Variants in E2F3 observed in about 807,000 individuals in gnomAD.
E2F3 encodes the protein transcription factor E2F3.
E2F3 carries 11 observed loss-of-function variants against 44.4 expected under a neutral mutation model. The observed-to-expected ratio is 0.25, with a 90% CI of 0.16 to 0.41. E2F3 has a LOEUF of 0.41. Ranked by LOEUF, E2F3 falls within the 10% of genes least tolerant of loss-of-function variation. The pLI, the probability that E2F3 is intolerant of heterozygous loss-of-function variation, is 1.00. For missense variants in E2F3, 487 were observed against 583.6 expected (o/e 0.83, Z 1.70); for synonymous variants, 249 against 253.0 (o/e 0.98, Z 0.15).
intron 1 of E2F3, among the ~76,000 whole-genome samples, chr6:20,468,502 A>G (rs1369082342): frequency 1.3e-5 from 2 of 151,602 alleles, no homozygotes; most frequent in Non-Finnish European, 2.9e-5. Flanking sequence ...CCCTCCAGGA[A>G]CCTCCTTGTG....
chr6:20,424,210 GGTGTGTGTGTGTGTGT>G (rs57286350), intron 1 of E2F3, among the ~76,000 whole-genome samples: 2 of 136,920 alleles, frequency 1.5e-5, no homozygotes, highest in Non-Finnish European at 3.1e-5. Context: ...TCAGTGGAAG[GGTGTGTGTGTGTGTGT>G]GTGTGTGTGT....
At chr6:20,487,771 C>T (rs4134970) in intron 5 of E2F3, among the ~76,000 whole-genome samples, 154 of 152,302 alleles carry the variant, frequency 1.0e-3, no homozygotes, top group African/African-American at 3.5e-3. Flanking sequence ...ATATTTTTGG[C>T]TTTGCGAGCC....
intron 1 of E2F3, among the ~76,000 whole-genome samples, chr6:20,410,308 G>A (rs1011099314): frequency 3.3e-5 from 5 of 152,166 alleles, no homozygotes; most frequent in Admixed American, 6.5e-5. Flanking sequence ...CATAGTGAGG[G>A]GCAGCTGAGT....
chr6:20,456,103 C>T (rs997691711), intron 1 of E2F3, among the ~76,000 whole-genome samples: 4 of 151,852 alleles, frequency 2.6e-5, no homozygotes, highest in African/African-American at 9.7e-5. Context: ...TGCCAGGTTC[C>T]GGTGGGTCTT....
At chr6:20,456,826 A>G (rs1213065521) in intron 1 of E2F3, among the ~76,000 whole-genome samples, 1 of 152,242 alleles carries the variant, frequency 6.6e-6, no homozygotes, top group East Asian at 1.9e-4. Flanking sequence ...CCAGATAATT[A>G]CTTTGCATTT....
intron 1 of E2F3, among the ~76,000 whole-genome samples, chr6:20,409,613 C>T (rs1458974670): frequency 6.6e-6 from 1 of 152,226 alleles, no homozygotes; most frequent in Non-Finnish European, 1.5e-5. Flanking sequence ...ACAAGGTGTT[C>T]TTCCTCTGTG....
chr6:20,487,615 G>C (rs970857237), intron 5 of E2F3, among the ~76,000 whole-genome samples: 15 of 152,114 alleles, frequency 9.9e-5, no homozygotes, highest in African/African-American at 3.1e-4. Context: ...TGCAGAAAAA[G>C]AATATATCCA....
chr6:20,451,738 A>G (rs1052204537), intron 1 of E2F3, among the ~76,000 whole-genome samples: 7 of 152,158 alleles, frequency 4.6e-5, no homozygotes, highest in African/African-American at 1.7e-4. Flanking sequence ...TGTTCATTCA[A>G]TATGTAGTTT....
intron 1 of E2F3, among the ~76,000 whole-genome samples, chr6:20,407,625 T>C (rs915679975): frequency 1.3e-5 from 2 of 152,254 alleles, no homozygotes; most frequent in Non-Finnish European, 2.9e-5. Flanking sequence ...CTTCTGTCTT[T>C]AATGCCATCT....
chr6:20,407,041 A>G (rs781650850), intron 1 of E2F3, among the ~76,000 whole-genome samples: 1 of 152,236 alleles, frequency 6.6e-6, no homozygotes, highest in Non-Finnish European at 1.5e-5. Flanking sequence ...ACTTTGGGAA[A>G]GAGCCCTCAG....
At chr6:20,470,343 A>C (rs796545994) in intron 1 of E2F3, among the ~76,000 whole-genome samples, 8 of 152,364 alleles carry the variant, frequency 5.3e-5, no homozygotes, top group African/African-American at 1.9e-4. Flanking sequence ...TTATAATCAT[A>C]TGCCCATGCA....
chr6:20,456,142 A>G (rs1259544856), intron 1 of E2F3, among the ~76,000 whole-genome samples: 4 of 152,120 alleles, frequency 2.6e-5, no homozygotes, highest in Non-Finnish European at 5.9e-5. Context: ...TAAATGAACA[A>G]AAGAAGGAAT....
Position 20,402,639 on chromosome 6 carries a change from T to C in E2F3, c.393+14T>C. ...GGCGGCCCTCCGGTAATACCCTCCC[T>C]CCCCACCGTCCCCAGCCCCGGCGGG... On this transcript the variant is annotated intron_variant, in intron 1 of 6. Transcript: ENST00000346618. The surrounding 1 kb of genome is among the most constrained non-coding windows in gnomAD (Gnocchi z 5.6). 1 of 1,317,842 alleles carries C rather than the reference T, an allele frequency of 7.6e-7. No individual in the cohort carries two copies. Among genetic ancestry groups the C allele is most frequent in the South Asian group, 2.1e-5 (1 of 46,780 alleles). 81.6% of individuals were successfully genotyped at this position (1,317,842 alleles called of 1,614,324 possible).
intron 4 of E2F3, among the ~76,000 whole-genome samples, chr6:20,485,147 A>C (rs1762350205): frequency 6.6e-6 from 1 of 152,182 alleles, no homozygotes; most frequent in Non-Finnish European, 1.5e-5. Context: ...TTGTGGGTAC[A>C]TATAAAAAAT....
chr6:20,486,999 T>A lies in E2F3; in HGVS notation c.999+196T>A, dbSNP rs1762415588. On this transcript the variant is annotated intron_variant, in intron 5 of 6. Coordinates refer to ENST00000346618, the MANE Select transcript of E2F3 (RefSeq NM_001949.5). ...ATTGAGTATTCAAACAACCTAACTT[T>A]GACCTAGCAGGATGTTCAGTTCAAA... Among the ~76,000 whole-genome samples the A allele has an allele frequency of 3.3e-5, 5 of 152,238 alleles. No individual in the cohort carries two copies. In the South Asian group the frequency reaches 1.0e-3, roughly 32 times the overall value.
intron 1 of E2F3, among the ~76,000 whole-genome samples, chr6:20,458,129 GCTAA>G (rs1302826555): frequency 6.6e-6 from 1 of 152,082 alleles, no homozygotes; most frequent in Admixed American, 6.6e-5. Flanking sequence ...GTAGAAAAAG[GCTAA>G]CTAAGACCTT....
intron 1 of E2F3, among the ~76,000 whole-genome samples, chr6:20,441,348 A>C (rs1017911356): frequency 6.6e-6 from 1 of 152,190 alleles, no homozygotes; most frequent in African/African-American, 2.4e-5. Context: ...CATTCTTTTT[A>C]TCTCTGAATA....
intron 1 of E2F3, among the ~76,000 whole-genome samples, chr6:20,462,905 G>T (rs1761571391): frequency 2.2e-5 from 2 of 90,548 alleles, no homozygotes; most frequent in South Asian, 4.2e-4. Flanking sequence ...TTGAGACAGG[G>T]TCTCACTGTA....
rs1477071303 is a variant in E2F3 at position 20,490,163 on chromosome 6, T to C, written c.1136-5T>C. The C allele has an allele frequency of 3.8e-6, 6 of 1,559,230 alleles. No homozygotes were observed. Among genetic ancestry groups the C allele is most frequent in the Non-Finnish European group, 5.2e-6 (6 of 1,154,250 alleles). ...TTTTTGTTTCCATCAATGTTTTCTT[T>C]TCAGACTTGGCTTCAACCAACTCAG... On this transcript the variant is annotated splice_polypyrimidine_tract_variant and splice_region_variant and intron_variant, in intron 6 of 6. Transcript: ENST00000346618. This position sits in a 1 kb window ranked among gnomAD's most constrained non-coding sequence, Gnocchi z 4.3.
Sources: gnomAD v4.1 joint callset for allele counts (sites outside exome capture counted in the v4.1 genomes callset) on GRCh38, gnomAD v4.1.1 for gene constraint, Gnocchi (gnomAD v3.1) non-coding constraint, MANE v1.5 for transcripts, NCBI Gene and HGNC (gene_info 2026-07-23, HGNC 2026-07-21) for gene names.